CLSTN2: variants seen among roughly 807,000 people sequenced by gnomAD.
The protein encoded by CLSTN2 is calsyntenin-2.
Under a neutral mutation model 101.2 loss-of-function variants are expected in CLSTN2, and 48 were observed. The observed-to-expected ratio is 0.47, with a 90% CI of 0.38 to 0.60. CLSTN2 has a LOEUF of 0.60. Ranked by LOEUF, CLSTN2 falls within the 20% of genes least tolerant of loss-of-function variation. The pLI, the probability that CLSTN2 is intolerant of heterozygous loss-of-function variation, is 0.00. For missense variants in CLSTN2, 1,160 were observed against 1,238.2 expected, an observed-to-expected ratio of 0.94 and a Z score of 0.95; for synonymous variants, 481 against 463.6, an observed-to-expected ratio of 1.04 and a Z score of -0.48.
intron 1 of CLSTN2, among the ~76,000 whole-genome samples, chr3:140,120,912 G>C (rs2009329981): frequency 6.6e-6 from 1 of 152,154 alleles, no homozygotes; most frequent in Non-Finnish European, 1.5e-5. Context: ...CACCCTGGCG[G>C]CCAGGTACAC....
intron 9 of CLSTN2, among the ~76,000 whole-genome samples, chr3:140,534,853 T>C (rs1226382045): frequency 1.3e-5 from 2 of 152,194 alleles, no homozygotes; most frequent in Non-Finnish European, 1.5e-5. Flanking sequence ...ACCAGGCCAA[T>C]AGATATTTGT....
intron 2 of CLSTN2, among the ~76,000 whole-genome samples, chr3:140,262,304 C>T (rs1349351188): frequency 6.6e-6 from 1 of 152,148 alleles, no homozygotes; most frequent in Non-Finnish European, 1.5e-5. Context: ...AGACATTGTT[C>T]CACCCATAGG....
chr3:139,969,665 T>C (rs978238918), intron 1 of CLSTN2, among the ~76,000 whole-genome samples: 5 of 152,196 alleles, frequency 3.3e-5, no homozygotes, highest in African/African-American at 4.8e-5. Flanking sequence ...ACTTAGACCC[T>C]GTCTGCTCTC....
intron 2 of CLSTN2, among the ~76,000 whole-genome samples, chr3:140,236,577 G>A (rs1037283424): frequency 9.9e-5 from 15 of 151,888 alleles, no homozygotes; most frequent in African/African-American, 1.9e-4. Flanking sequence ...CTCCACTCCC[G>A]TTTTCTAAGG....
chr3:140,524,718 T>C (rs1935101320), intron 8 of CLSTN2, among the ~76,000 whole-genome samples: 1 of 151,944 alleles, frequency 6.6e-6, no homozygotes, highest in Admixed American at 6.6e-5. Context: ...ATAATATAAA[T>C]ACAAAAAAAT....
At chr3:140,458,779 C>A (rs2108015646) in intron 6 of CLSTN2, among the ~76,000 whole-genome samples, 1 of 152,300 alleles carries the variant, frequency 6.6e-6, no homozygotes, top group South Asian at 2.1e-4. Flanking sequence ...AGCTCTAATG[C>A]ATTATCTCAT....
chr3:140,301,654 C>T (rs1311569300), intron 2 of CLSTN2, among the ~76,000 whole-genome samples: 3 of 152,156 alleles, frequency 2.0e-5, no homozygotes, highest in Non-Finnish European at 2.9e-5. Context: ...CCCAGGATTC[C>T]CTGGACTATA....
At chr3:140,261,734 G>C (rs184486209) in intron 2 of CLSTN2, among the ~76,000 whole-genome samples, 1 of 152,200 alleles carries the variant, frequency 6.6e-6, no homozygotes, top group Admixed American at 6.5e-5. Flanking sequence ...GCGTCTATAA[G>C]CTAAACATGA....
chr3:140,307,910 A>G (rs1213896641), intron 2 of CLSTN2, among the ~76,000 whole-genome samples: 1 of 152,222 alleles, frequency 6.6e-6, no homozygotes, highest in Non-Finnish European at 1.5e-5. Context: ...TTAGGGTTGT[A>G]TGGTGAAGGC....
chr3:140,505,871 C>T lies in CLSTN2; in HGVS notation c.1345-26453C>T, dbSNP rs191131432. 2.4e-3 allele frequency: 373 copies of T among 152,300 alleles called. 6 individuals are homozygous for T. The highest frequency in any genetic ancestry group is 8.5e-3 in the African/African-American group (352 of 41,574). The allele number at this position is 152,300 out of a possible 1,614,324, so 9.4% of individuals were successfully genotyped here. On this transcript the variant is annotated intron_variant, in intron 8 of 16. Transcript: ENST00000458420. ...TGAGTAGTTAACTGCATCTCAGCAACCTATTTGTTTAATACACTGGAGTCC... is the reference window on the plus strand; with the variant it reads ...TGAGTAGTTAACTGCATCTCAGCAATCTATTTGTTTAATACACTGGAGTCC...
chr3:140,454,028 G>C (rs1157698965), intron 6 of CLSTN2, among the ~76,000 whole-genome samples: 1 of 152,208 alleles, frequency 6.6e-6, no homozygotes. Flanking sequence ...CATAGCCAGT[G>C]CCTCCATTCG....
Position 140,061,209 on chromosome 3 carries a change from G to T in CLSTN2, c.110-114742G>T, listed in dbSNP as rs1413211511. On this transcript the variant is annotated intron_variant, in intron 1 of 16. Transcript: ENST00000458420. ...CAACTTCTATTTTGCAACCAATGTG[G>T]TAGGTAAACCCTCAGGGGAGAGGAA... is the stretch of plus-strand genomic sequence containing the variant. Among the ~76,000 whole-genome samples, 3 of 152,252 alleles carry T rather than the reference G, an allele frequency of 2.0e-5. No homozygotes were observed. In the East Asian group the frequency reaches 5.8e-4, roughly 29 times the overall value.
rs10576056 is a variant in CLSTN2 at position 140,240,221 on chromosome 3, C to CAT, written c.232+64159_232+64160dup. 1.4e-4 allele frequency among the ~76,000 whole-genome samples: 3 copies of CAT among 21,520 alleles called. 1 individual carries two copies. Among genetic ancestry groups the CAT allele is most frequent in the African/African-American group, 3.7e-4 (3 of 8,188 alleles). The allele number at this position is 21,520 out of a possible 152,430, so 14.1% of individuals were successfully genotyped here. A position where few individuals can be genotyped will look rare whatever the true frequency, so the allele number is the denominator to read the frequency against. ...ATATACACACACACACACACACACA[C>CAT]ATATATATATATGCATATATACACA... On this transcript the variant is annotated intron_variant, in intron 2 of 16. Transcript: ENST00000458420.
intron 2 of CLSTN2, among the ~76,000 whole-genome samples, chr3:140,190,254 T>C (rs568878427): frequency 7.9e-5 from 12 of 152,240 alleles, no homozygotes; most frequent in African/African-American, 2.9e-4. Flanking sequence ...CTGGATTCTC[T>C]TCTCTCATCC....
At chr3:140,504,860 G>A (rs1488965981) in intron 8 of CLSTN2, among the ~76,000 whole-genome samples, 1 of 152,048 alleles carries the variant, frequency 6.6e-6, no homozygotes, top group East Asian at 1.9e-4. Context: ...GATTTTTTGG[G>A]GGAGGGGAAA....
At chr3:140,450,845 T>A (rs1440677390) in intron 6 of CLSTN2, among the ~76,000 whole-genome samples, 3 of 152,172 alleles carry the variant, frequency 2.0e-5, no homozygotes, top group Non-Finnish European at 2.9e-5. Context: ...GATATTGTCA[T>A]GTTCCATTTT....
intron 2 of CLSTN2, among the ~76,000 whole-genome samples, chr3:140,198,647 G>A (rs2010679090): frequency 6.6e-6 from 1 of 152,162 alleles, no homozygotes; most frequent in African/African-American, 2.4e-5. Flanking sequence ...TGTAAAGAAG[G>A]GGTCAGCAAA....
At chr3:140,201,078 T>C (rs1424503990) in intron 2 of CLSTN2, among the ~76,000 whole-genome samples, 2 of 152,222 alleles carry the variant, frequency 1.3e-5, no homozygotes, top group Non-Finnish European at 2.9e-5. Flanking sequence ...TAAAGCCCTA[T>C]ACTTGTTGGC....
At chr3:139,950,618 C>T (rs577223357) in intron 1 of CLSTN2, among the ~76,000 whole-genome samples, 4 of 152,306 alleles carry the variant, frequency 2.6e-5, no homozygotes, top group Admixed American at 2.6e-4. Context: ...CGTATCAGAA[C>T]CAATGGTCCC....
Sources: gnomAD v4.1 joint callset for allele counts (sites outside exome capture counted in the v4.1 genomes callset) on GRCh38, gnomAD v4.1.1 for gene constraint, MANE v1.5 for transcripts, NCBI Gene and HGNC (gene_info 2026-07-23, HGNC 2026-07-21) for gene names.